The following ENPEP variants were observed in gnomAD, a reference collection of about 807,000 sequenced individuals.
ENPEP encodes AP-A.
Under a neutral mutation model 114.5 loss-of-function variants are expected in ENPEP, and 103 were observed. The ratio of observed to expected loss-of-function variants is 0.90; its 90% CI spans 0.77 to 1.06. The LOEUF is 1.06. Ranked by LOEUF, ENPEP falls within the 50% of genes least tolerant of loss-of-function variation. The probability of loss-of-function intolerance (pLI) is 0.00; values close to 1 mark genes in which losing one functional copy is unlikely to be tolerated. For synonymous variants in ENPEP, 420 were observed against 422.0 expected, an observed-to-expected ratio of 1.00 and a Z score of 0.06; for missense variants, 1,196 against 1,161.3, an observed-to-expected ratio of 1.03 and a Z score of -0.43.
At chr4:110,505,253 C>G (rs1314829771) in intron 3 of ENPEP, among the ~76,000 whole-genome samples, 3 of 151,976 alleles carry the variant, frequency 2.0e-5, no homozygotes, top group South Asian at 4.1e-4. Context: ...GTAATCCAAA[C>G]AGTTTCACTT....
intron 18 of ENPEP, among the ~76,000 whole-genome samples, chr4:110,557,533 T>C (rs2110402553): frequency 6.6e-6 from 1 of 152,170 alleles, no homozygotes; most frequent in East Asian, 1.9e-4. Context: ...ACACTGACTA[T>C]TTCCTGACCT....
intron 8 of ENPEP, 63 bp from the exon 9 acceptor site, chr4:110,519,945 C>A: frequency 6.8e-7 from 1 of 1,478,062 alleles, no homozygotes; most frequent in Non-Finnish European, 9.4e-7. Context: ...TTCAGTTCAT[C>A]TTGTGAAAGT....
At chr4:110,522,237 A>C (rs1396627327) in intron 10 of ENPEP, among the ~76,000 whole-genome samples, 1 of 151,386 alleles carries the variant, frequency 6.6e-6, no homozygotes, top group Non-Finnish European at 1.5e-5. Flanking sequence ...GCTGGAGTGC[A>C]ATGGCAGGAT....
intron 8 of ENPEP, among the ~76,000 whole-genome samples, chr4:110,517,081 T>C (rs1725802444): frequency 6.6e-6 from 1 of 152,058 alleles, no homozygotes; most frequent in Non-Finnish European, 1.5e-5. Context: ...GTAGCTGGAA[T>C]TACAGGCACC....
rs749543894 is a variant in ENPEP, at chr4:110,506,707, T to G, written c.989T>G (p.Phe330Cys). ...GCTGCAAACATAACTAAAAGTGTGT[T>G]TGATTATTTTGAAGAATACTTTGCT... ...EYAANITKSV[F>C]DYFEEYFAMN... Residue 330 changes from phenylalanine to cysteine, a missense_variant, in exon 4 of 20, where the codon TTT (phenylalanine) becomes TGT (cysteine). Transcript: ENST00000265162. 1.9e-6 allele frequency: 3 copies of G among 1,609,804 alleles called. No homozygotes were observed. Among genetic ancestry groups the G allele is most frequent in the Non-Finnish European group, 2.5e-6 (3 of 1,176,768 alleles).
chr4:110,518,648 T>A (rs1179703904), intron 8 of ENPEP, among the ~76,000 whole-genome samples: 2 of 152,202 alleles, frequency 1.3e-5, no homozygotes, highest in Non-Finnish European at 2.9e-5. Context: ...ATAACAGTGA[T>A]GAAAACCACA....
At chr4:110,481,499 A>G (rs1724310825) in intron 1 of ENPEP, among the ~76,000 whole-genome samples, 1 of 152,188 alleles carries the variant, frequency 6.6e-6, no homozygotes, top group Non-Finnish European at 1.5e-5. Flanking sequence ...TTTGGCACAC[A>G]GTGAGCACTC....
intron 3 of ENPEP, among the ~76,000 whole-genome samples, chr4:110,499,454 A>G (rs1457661097): frequency 6.6e-6 from 1 of 152,208 alleles, no homozygotes; most frequent in Non-Finnish European, 1.5e-5. Context: ...TCTCATGTAT[A>G]CAATGAGGAA....
chr4:110,545,803 G>T (rs1048873047), intron 13 of ENPEP, among the ~76,000 whole-genome samples: 1 of 151,978 alleles, frequency 6.6e-6, no homozygotes, highest in African/African-American at 2.4e-5. Context: ...ACCCACTTCT[G>T]GTCCATAGGA....
chr4:110,545,171 T>C (rs1193841550), intron 13 of ENPEP, among the ~76,000 whole-genome samples: 1 of 152,064 alleles, frequency 6.6e-6, no homozygotes, highest in Non-Finnish European at 1.5e-5. Flanking sequence ...GATTAGAATT[T>C]AAACAAGTCT....
At chr4:110,544,347 A>G (rs935979626) in intron 13 of ENPEP, among the ~76,000 whole-genome samples, 3 of 152,092 alleles carry the variant, frequency 2.0e-5, no homozygotes, top group Admixed American at 6.6e-5. Context: ...ACCAAAATGC[A>G]TCCACCGTTA....
At chr4:110,560,241 T>G (rs984967700) in intron 19 of ENPEP, among the ~76,000 whole-genome samples, 1 of 152,212 alleles carries the variant, frequency 6.6e-6, no homozygotes, top group African/African-American at 2.4e-5. Flanking sequence ...TAAACAGTGC[T>G]GCAATAAACC....
rs1405481592 is a variant in ENPEP, at chr4:110,491,108, T to G, written c.862T>G (p.Cys288Gly). Residue 288 changes from cysteine to glycine, a missense_variant, in exon 3 of 20, where the codon TGC becomes GGC. Physicochemically the swap from Cys to Gly is radical, Grantham distance 159 (BLOSUM62 -3). Coordinates refer to ENST00000265162, the MANE Select transcript of ENPEP (RefSeq NM_001977.4). The stretch of plus-strand genomic sequence containing the variant: ...TGTCCCCATGAGCACGTACCTGGTG[T>G]GCTTTGCTGTACATCAATTTGACTC... Reference protein sequence around the residue: ...KSVPMSTYLVCFAVHQFDSVK... With the variant: ...KSVPMSTYLVGFAVHQFDSVK... 1 of 1,612,330 alleles carries G rather than the reference T, an allele frequency of 6.2e-7. No homozygotes were observed. The highest frequency in any genetic ancestry group is 2.2e-5 in the East Asian group (1 of 44,884).
chr4:110,530,822 G>A (rs1456321906), intron 10 of ENPEP, among the ~76,000 whole-genome samples: 1 of 152,130 alleles, frequency 6.6e-6, no homozygotes, highest in Non-Finnish European at 1.5e-5. Flanking sequence ...GTTCCTTGAT[G>A]GAAATGGTAG....
chr4:110,476,840 C>T lies in ENPEP; in HGVS notation c.426C>T (p.Thr142=), dbSNP rs1285013715. 2 of 1,614,024 alleles carry T rather than the reference C, an allele frequency of 1.2e-6. No individual in the cohort carries two copies. The highest frequency in any genetic ancestry group is 1.7e-6 in the Non-Finnish European group (2 of 1,180,012). Residue 142 remains threonine (T), a synonymous_variant, in exon 1 of 20, where the codon ACC becomes ACT. Transcript: ENST00000265162. ...LWLHLRETRI[T]RLPELKRPSG... ...TGCACCTCCGGGAGACCAGGATCAC[C>T]CGGCTCCCGGAGCTGAAGAGGCCCT...
intron 3 of ENPEP, among the ~76,000 whole-genome samples, chr4:110,493,048 A>G (rs977885770): frequency 6.6e-6 from 1 of 152,224 alleles, no homozygotes; most frequent in Non-Finnish European, 1.5e-5. Flanking sequence ...TTAACCAATC[A>G]GCAGAGGACA....
intron 1 of ENPEP, 72 bp from the exon 2 acceptor site, chr4:110,488,469 C>T: frequency 7.0e-7 from 1 of 1,428,362 alleles, no homozygotes; most frequent in Non-Finnish European, 9.1e-7. Flanking sequence ...TTTTTTTCCC[C>T]TAGGAATAGA....
intron 8 of ENPEP, 72 bp from the exon 9 acceptor site, chr4:110,519,936 T>C: frequency 7.2e-7 from 1 of 1,379,814 alleles, no homozygotes; most frequent in Non-Finnish European, 1.0e-6. Context: ...TAGCAGGGGT[T>C]CAGTTCATCT....
At chr4:110,557,996 G>A (rs1172871453) in intron 18 of ENPEP, among the ~76,000 whole-genome samples, 3 of 137,468 alleles carry the variant, frequency 2.2e-5, no homozygotes, top group Non-Finnish European at 4.7e-5. Context: ...ATTTGTTCTC[G>A]ATTAGTATTT....
Sources: gnomAD v4.1 joint callset for allele counts (sites outside exome capture counted in the v4.1 genomes callset) on GRCh38, gnomAD v4.1.1 for gene constraint, MANE v1.5 for transcripts, NCBI Gene and HGNC (gene_info 2026-07-23, HGNC 2026-07-21) for gene names.